NKAIN3: variants seen among roughly 807,000 people sequenced by gnomAD.
NKAIN3 encodes sodium/potassium-transporting ATPase subunit beta-1-interacting protein 3.
In NKAIN3, 25 loss-of-function variants were observed where a neutral mutation model predicts 30.2. The observed-to-expected ratio is 0.83, with a 90% confidence interval of 0.60 to 1.16. The LOEUF (loss-of-function observed/expected upper bound fraction) is 1.16. Ranked by LOEUF, NKAIN3 falls within the 50% of genes most tolerant of loss-of-function variation. The pLI, the probability that NKAIN3 is intolerant of heterozygous loss-of-function variation, is 0.00. For missense variants in NKAIN3, 225 were observed against 254.1 expected, an observed-to-expected ratio of 0.89 and a Z score of 0.78; for synonymous variants, 91 against 89.6, an observed-to-expected ratio of 1.02 and a Z score of -0.09.
At chr8:62,990,172 A>G in intron 5 of NKAIN3, 1 of 1,293,128 alleles carries the variant, frequency 7.7e-7, no homozygotes. Flanking sequence ...TCTCAGATTC[A>G]TGTGATCTGC....
intron 1 of NKAIN3, among the ~76,000 whole-genome samples, chr8:62,563,141 G>A (rs565884417): frequency 6.6e-6 from 1 of 152,282 alleles, no homozygotes; most frequent in South Asian, 2.1e-4. Context: ...AAATTGGCAA[G>A]TTGGGCTTTT....
At chr8:62,855,392 C>T in intron 4 of NKAIN3, 1 of 822,152 alleles carries the variant, frequency 1.2e-6, no homozygotes, top group Non-Finnish European at 2.1e-6. Flanking sequence ...AGTGAAATTG[C>T]CCAGCATGCC....
intron 3 of NKAIN3, among the ~76,000 whole-genome samples, chr8:62,628,909 A>G (rs1811867255): frequency 6.6e-6 from 1 of 152,180 alleles, no homozygotes; most frequent in South Asian, 2.1e-4. Flanking sequence ...CTGAACACCT[A>G]GCATAGTGGC....
At chr8:62,554,737 A>G (rs931211850) in intron 1 of NKAIN3, among the ~76,000 whole-genome samples, 8 of 152,114 alleles carry the variant, frequency 5.3e-5, no homozygotes, top group African/African-American at 1.9e-4. Context: ...AAATTTTCCA[A>G]AGATATGCTT....
At chr8:62,370,726 A>C (rs1816882378) in intron 1 of NKAIN3, among the ~76,000 whole-genome samples, 1 of 152,036 alleles carries the variant, frequency 6.6e-6, no homozygotes, top group Non-Finnish European at 1.5e-5. Context: ...ATTATTATTA[A>C]ATTTTTAAAA....
chr8:62,891,433 G>T (rs771795693), intron 4 of NKAIN3, among the ~76,000 whole-genome samples: 2 of 152,150 alleles, frequency 1.3e-5, no homozygotes, highest in Non-Finnish European at 2.9e-5. Context: ...GAGGTTTTGG[G>T]ACTCAGACTG....
chr8:62,333,112 T>G (rs1301916305), intron 1 of NKAIN3, among the ~76,000 whole-genome samples: 1 of 152,144 alleles, frequency 6.6e-6, no homozygotes, highest in African/African-American at 2.4e-5. Flanking sequence ...ATTACACAAG[T>G]ACAGAAATGT....
intron 1 of NKAIN3, among the ~76,000 whole-genome samples, chr8:62,371,281 C>G (rs1382976910): frequency 6.6e-6 from 1 of 151,564 alleles, no homozygotes; most frequent in Admixed American, 6.6e-5. Flanking sequence ...TTTCTTAATT[C>G]TTTCAAGAAC....
At position 62,394,167 on chromosome 8, in the gene NKAIN3, A is replaced by G. The variant is rs551826329; in HGVS notation, c.54+145040A>G. ...AGGAGAAAACATTCTGTTTTTCATC[A>G]TTAAATATGAAGTTAGTTTTACATT... On this transcript the variant is annotated intron_variant, in intron 1 of 6. Transcript: ENST00000623646. 2.6e-5 allele frequency among the ~76,000 whole-genome samples: 4 copies of G among 152,276 alleles called. No individual in the cohort carries two copies. In the East Asian group the frequency reaches 7.7e-4, roughly 29 times the overall value.
chr8:62,745,798 G>A (rs2130580902), intron 3 of NKAIN3, among the ~76,000 whole-genome samples: 1 of 152,262 alleles, frequency 6.6e-6, no homozygotes, highest in Admixed American at 6.5e-5. Flanking sequence ...GAAGGACCTG[G>A]CTGTCTTCAG....
At chr8:62,715,927 G>T (rs1004853656) in intron 3 of NKAIN3, among the ~76,000 whole-genome samples, 2 of 152,186 alleles carry the variant, frequency 1.3e-5, no homozygotes, top group African/African-American at 2.4e-5. Context: ...TTTCCTGTCT[G>T]CTATGAAGAT....
rs576437754 is a variant in NKAIN3, at chr8:62,553,599, C to T, written c.55-25940C>T. ...TCACTCAGGCTGGAGTACAGTGGCGCGATCTCGGCTCACTGCCACCTCTGC... is the reference window on the plus strand; with the variant it reads ...TCACTCAGGCTGGAGTACAGTGGCGTGATCTCGGCTCACTGCCACCTCTGC... On this transcript the variant is annotated intron_variant, in intron 1 of 6. Coordinates refer to ENST00000623646, the MANE Select transcript of NKAIN3 (RefSeq NM_001304533.3). Among the ~76,000 whole-genome samples the T allele has an allele frequency of 9.9e-5, 15 of 151,066 alleles. No individual in the cohort carries two copies. In the East Asian group the frequency reaches 1.2e-3, roughly 12 times the overall value.
At chr8:62,316,000 G>A (rs749021634) in intron 1 of NKAIN3, among the ~76,000 whole-genome samples, 1 of 152,110 alleles carries the variant, frequency 6.6e-6, no homozygotes. Context: ...CCTTGTTGCT[G>A]TTCTCATGAG....
intron 3 of NKAIN3, among the ~76,000 whole-genome samples, chr8:62,601,716 T>A (rs1810988659): frequency 6.6e-6 from 1 of 152,040 alleles, no homozygotes; most frequent in African/African-American, 2.4e-5. Flanking sequence ...TAAATCTAAA[T>A]GAGAACAAAA....
chr8:62,337,875 T>C (rs985843811), intron 1 of NKAIN3, among the ~76,000 whole-genome samples: 3 of 152,018 alleles, frequency 2.0e-5, no homozygotes, highest in African/African-American at 7.2e-5. Flanking sequence ...AAACAACTGG[T>C]CAAGAAGATG....
At chr8:62,466,961 T>G (rs1052996798) in intron 1 of NKAIN3, among the ~76,000 whole-genome samples, 1 of 152,148 alleles carries the variant, frequency 6.6e-6, no homozygotes, top group Admixed American at 6.5e-5. Context: ...TTGCTTAAAT[T>G]TCTCAAATAT....
At chr8:62,852,019 T>TC (rs368313685) in intron 4 of NKAIN3, among the ~76,000 whole-genome samples, 16,559 of 152,108 alleles carry the variant, frequency 0.11, 951 homozygotes, top group African/African-American at 0.15. Context: ...AGGAATAGTT[T>TC]AGAAGGAAAG....
In NKAIN3 at chr8:62,844,823, C is replaced by T. The variant is rs538035384; in HGVS notation, c.472-73630C>T. Reference sequence around the variant, plus strand: ...CCCCATTTGGGCTCCCATAAATGCACTGCCAGGACTATCGGGGGCAGAAAT... The same window carrying T: ...CCCCATTTGGGCTCCCATAAATGCATTGCCAGGACTATCGGGGGCAGAAAT... On this transcript the variant is annotated intron_variant, in intron 4 of 6. Transcript: ENST00000623646. Among the ~76,000 whole-genome samples the T allele has an allele frequency of 3.9e-5, 6 of 152,216 alleles. No individual in the cohort carries two copies. The East Asian group carries it at 1.2e-3, about 30-fold the overall frequency.
intron 1 of NKAIN3, among the ~76,000 whole-genome samples, chr8:62,316,423 C>G (rs548317017): frequency 6.6e-6 from 1 of 151,622 alleles, no homozygotes; most frequent in African/African-American, 2.4e-5. Flanking sequence ...AATGCTATCC[C>G]CCCCCTCCTC....
Sources: allele counts gnomAD v4.1 joint callset (sites outside exome capture counted in the v4.1 genomes callset), GRCh38; gene constraint gnomAD v4.1.1; transcripts MANE v1.5; gene names NCBI Gene and HGNC (gene_info 2026-07-23, HGNC 2026-07-21).